Variants in SNX30 observed in about 807,000 individuals in gnomAD.
The protein encoded by SNX30 is sorting nexin family member 30, also known as sorting nexin-30.
SNX30 carries 24 observed loss-of-function variants against 46.4 expected under a neutral mutation model. The observed-to-expected ratio is 0.52, with a 90% CI of 0.37 to 0.73. SNX30 has a LOEUF of 0.73. SNX30 is among the 30% of genes least tolerant of loss of function. The pLI is 0.00. For synonymous variants in SNX30, 189 were observed against 211.5 expected (o/e 0.89, Z 0.92); for missense variants, 533 against 555.7 (o/e 0.96, Z 0.41).
At chr9:112,754,097 G>T (rs1839314057) in intron 1 of SNX30, among the ~76,000 whole-genome samples, 1 of 152,194 alleles carries the variant, frequency 6.6e-6, no homozygotes, top group Non-Finnish European at 1.5e-5. Flanking sequence ...TCTGGGCCAG[G>T]GGAATGAAGG....
At chr9:112,782,556 C>T (rs1368526429) in intron 1 of SNX30, among the ~76,000 whole-genome samples, 3 of 152,134 alleles carry the variant, frequency 2.0e-5, no homozygotes, top group Non-Finnish European at 4.4e-5. Context: ...CTTTAAATGG[C>T]CTGACATTTA....
Position 112,825,127 on chromosome 9 carries a change from A to G in SNX30, c.460-5598A>G, listed in dbSNP as rs955382078. Among the ~76,000 whole-genome samples, 11 of 152,330 alleles carry G rather than the reference A, an allele frequency of 7.2e-5. No individual in the cohort carries two copies. The South Asian group carries it at 1.2e-3, about 17-fold the overall frequency. ...ACAAGAAGTGGAATTGCTGGAGCAT[A>G]TAGTAATTCTGTGTTTAATTTTTTG... On this transcript the variant is annotated intron_variant, in intron 3 of 8. Transcript: ENST00000374232.
At chr9:112,827,327 C>T (rs367984385) in intron 3 of SNX30, among the ~76,000 whole-genome samples, 1 of 152,282 alleles carries the variant, frequency 6.6e-6, no homozygotes, top group Admixed American at 6.5e-5. Flanking sequence ...TAGTTTTTAC[C>T]TAGCACCAAC....
At chr9:112,857,883 G>T (rs990858056) in intron 7 of SNX30, among the ~76,000 whole-genome samples, 1 of 152,166 alleles carries the variant, frequency 6.6e-6, no homozygotes, top group East Asian at 1.9e-4. Flanking sequence ...TGAGTAATGC[G>T]TTTTTAAATG....
Position 112,791,399 on chromosome 9 carries a change from C to CTTTTTTTTTTTTTTTTTTTTT in SNX30, c.157-13368_157-13348dup, listed in dbSNP as rs386415930. Among the ~76,000 whole-genome samples, 6 of 67,476 alleles carry CTTTTTTTTTTTTTTTTTTTTT rather than the reference C, an allele frequency of 8.9e-5. 1 individual carries two copies. Among genetic ancestry groups the CTTTTTTTTTTTTTTTTTTTTT allele is most frequent in the African/African-American group, 3.1e-4 (5 of 16,300 alleles). The allele number at this position is 67,476 out of a possible 152,430, so 44.3% of individuals were successfully genotyped here. A position where few individuals can be genotyped will look rare whatever the true frequency, so the allele number is the denominator to read the frequency against. ...AAATACTTTTAAACATATTTAGGAA[C>CTTTTTTTTTTTTTTTTTTTTT]TTTTTTTTTTTTTTTTTTTTTTTTT... On this transcript the variant is annotated intron_variant, in intron 1 of 8. Transcript: ENST00000374232.
intron 1 of SNX30, among the ~76,000 whole-genome samples, chr9:112,773,304 G>A (rs1472183199): frequency 6.6e-6 from 1 of 152,092 alleles, no homozygotes; most frequent in Non-Finnish European, 1.5e-5. Context: ...ATAAGGTTAT[G>A]TACAATAGGG....
At chr9:112,807,456 C>T (rs193190012) in intron 2 of SNX30, among the ~76,000 whole-genome samples, 65 of 152,322 alleles carry the variant, frequency 4.3e-4, no homozygotes, top group African/African-American at 1.2e-3. Context: ...CACTACACCA[C>T]TGGGCACCTA....
chr9:112,759,697 C>T (rs1839407700), intron 1 of SNX30, among the ~76,000 whole-genome samples: 1 of 149,002 alleles, frequency 6.7e-6, no homozygotes, highest in African/African-American at 2.5e-5. Context: ...CCACTGCACT[C>T]TAGCCTGGCG....
intron 3 of SNX30, among the ~76,000 whole-genome samples, chr9:112,826,214 G>A (rs1840577243): frequency 6.6e-6 from 1 of 152,154 alleles, no homozygotes; most frequent in South Asian, 2.1e-4. Context: ...TTGGTAATTA[G>A]AAAGTCATTG....
At chr9:112,858,057 G>A (rs942359660) in intron 7 of SNX30, among the ~76,000 whole-genome samples, 1 of 152,140 alleles carries the variant, frequency 6.6e-6, no homozygotes, top group East Asian at 1.9e-4. Context: ...TGTCACCTCT[G>A]TATAAATTTT....
chr9:112,827,437 T>A (rs1406310949), intron 3 of SNX30, among the ~76,000 whole-genome samples: 1 of 152,204 alleles, frequency 6.6e-6, no homozygotes, highest in Non-Finnish European at 1.5e-5. Flanking sequence ...CATCAGAATC[T>A]TTACTCTTGA....
rs550152404 is a variant in SNX30, at chr9:112,804,943, C to T, written c.324C>T (p.Tyr108=). ...AGCATGTGTGTACAATGGAGACTTACATCACCTATAGGATCACCACCAAAG... is the reference window on the plus strand; with the variant it reads ...AGCATGTGTGTACAATGGAGACTTATATCACCTATAGGATCACCACCAAAG... ...PKKHVCTMET[Y]ITYRITTKST... is the part of the protein sequence containing the mutation. The change falls in exon 2 of 9, where the codon TAC becomes TAT. Residue 108 remains tyrosine, a synonymous_variant. Coordinates refer to ENST00000374232, the MANE Select transcript of SNX30 (RefSeq NM_001012994.2). The T allele has an allele frequency of 5.0e-6, 8 of 1,610,442 alleles. No homozygotes were observed. Among genetic ancestry groups the T allele is most frequent in the African/African-American group, 2.7e-5 (2 of 74,790 alleles).
downstream of SNX30, chr9:112,875,264 C>T (rs140103855): frequency 6.6e-6 from 1 of 152,336 alleles, no homozygotes; most frequent in Admixed American, 6.5e-5. Flanking sequence ...GCCATCATGA[C>T]TGGCAGGCAG....
intron 3 of SNX30, among the ~76,000 whole-genome samples, chr9:112,827,068 T>G (rs1320085392): frequency 6.6e-6 from 1 of 152,214 alleles, no homozygotes; most frequent in Non-Finnish European, 1.5e-5. Flanking sequence ...GTGCCCTTTT[T>G]GGAACTCCTG....
chr9:112,848,123 T>C (rs1840967413), intron 6 of SNX30, among the ~76,000 whole-genome samples: 2 of 152,072 alleles, frequency 1.3e-5, no homozygotes, highest in Non-Finnish European at 1.5e-5. Flanking sequence ...GCCCTTCGCC[T>C]TTTTGATGTG....
chr9:112,781,374 C>A (rs1839845164), intron 1 of SNX30, among the ~76,000 whole-genome samples: 1 of 152,104 alleles, frequency 6.6e-6, no homozygotes, highest in Admixed American at 6.6e-5. Context: ...CAAATCCTTT[C>A]CCCAGTTTGT....
chr9:112,845,693 T>C (rs1435127880), intron 6 of SNX30, among the ~76,000 whole-genome samples: 1 of 152,150 alleles, frequency 6.6e-6, no homozygotes, highest in African/African-American at 2.4e-5. Context: ...CCAAGAGAAG[T>C]GACCCACAGA....
Position 112,822,289 on chromosome 9 carries a change from A to G in SNX30, c.459+4474A>G, listed in dbSNP as rs138167152. On this transcript the variant is annotated intron_variant, in intron 3 of 8. Coordinates refer to ENST00000374232, the MANE Select transcript of SNX30 (RefSeq NM_001012994.2). ...GGTTGTATATGTTTGTCATCTCATA[A>G]CAGCAGTTCACTGTGTTTTTCTTCA... Among the ~76,000 whole-genome samples, 1,006 of 152,250 alleles carry G rather than the reference A, an allele frequency of 6.6e-3. 5 individuals are homozygous for G. Among genetic ancestry groups the G allele is most frequent in the Admixed American group, 0.01 (158 of 15,282 alleles).
In SNX30 at chr9:112,865,757, GTGTATGTA is replaced by G. The variant is rs1162602825; in HGVS notation, c.1254+1372_1254+1379del. 1.1e-4 allele frequency among the ~76,000 whole-genome samples: 16 copies of G among 146,384 alleles called. No homozygotes were observed. The East Asian group carries it at 3.0e-3, about 28-fold the overall frequency. On this transcript the variant is annotated intron_variant, in intron 8 of 8. Transcript: ENST00000374232. ...CACACATGAGTGAGTGTGTGTGTGT[GTGTATGTA>G]TGTATGTATGTATATATATATATAT...
Sources: allele counts gnomAD v4.1 joint callset (sites outside exome capture counted in the v4.1 genomes callset), GRCh38; gene constraint gnomAD v4.1.1; transcripts MANE v1.5; gene names NCBI Gene and HGNC (gene_info 2026-07-23, HGNC 2026-07-21).